UNC5D: variants seen among roughly 807,000 people sequenced by gnomAD.
The protein encoded by UNC5D is netrin receptor UNC5D.
A neutral mutation model predicts 105.4 loss-of-function variants in UNC5D; 39 were observed. The observed-to-expected ratio is 0.37, with a 90% confidence interval of 0.29 to 0.48. The LOEUF (loss-of-function observed/expected upper bound fraction) is 0.48, where lower values mean the gene tolerates loss of function less well. Ranked by LOEUF, UNC5D falls within the 20% of genes least tolerant of loss-of-function variation. UNC5D has a pLI of 0.98. For synonymous variants in UNC5D, 452 were observed against 450.4 expected, an observed-to-expected ratio of 1.00 and a Z score of -0.04; for missense variants, 991 against 1,202.4, an observed-to-expected ratio of 0.82 and a Z score of 2.60.
intron 16 of UNC5D, among the ~76,000 whole-genome samples, chr8:35,786,380 G>C (rs145203114): frequency 6.0e-4 from 91 of 152,266 alleles, no homozygotes; most frequent in African/African-American, 2.0e-3. Context: ...TGCCTCTTTT[G>C]ATCATTTAGC....
chr8:35,636,208 A>G (rs1330685297), intron 4 of UNC5D, among the ~76,000 whole-genome samples: 1 of 152,246 alleles, frequency 6.6e-6, no homozygotes, highest in East Asian at 1.9e-4. Flanking sequence ...GCAAGGAAAG[A>G]AAGCAAACGG....
rs1803005314 is a variant in UNC5D, at chr8:35,790,784, G to A, written c.*221G>A. The A allele has an allele frequency of 1.7e-6, 1 of 576,504 alleles. No homozygotes were observed. The highest frequency in any genetic ancestry group is 3.0e-5 in the Admixed American group (1 of 33,128). 35.7% of individuals were successfully genotyped at this position (576,504 alleles called of 1,614,324 possible). On this transcript the variant is annotated 3_prime_UTR_variant, in exon 17 of 17. Coordinates refer to ENST00000404895, the MANE Select transcript of UNC5D (RefSeq NM_080872.4). The stretch of plus-strand genomic sequence containing the variant: ...ATAAGAGGGCTCTACTATCTCCTTG[G>A]AATCCACATTTGGGTTAACTCCTCA...
chr8:35,277,405 AT>A (rs1385640008), intron 1 of UNC5D, among the ~76,000 whole-genome samples: 25 of 152,114 alleles, frequency 1.6e-4, no homozygotes, highest in Admixed American at 1.6e-3. Flanking sequence ...TTTTGATTAC[AT>A]TTCTTTGATA....
chr8:35,280,127 C>G (rs1187466703), intron 1 of UNC5D, among the ~76,000 whole-genome samples: 1 of 152,124 alleles, frequency 6.6e-6, no homozygotes, highest in African/African-American at 2.4e-5. Flanking sequence ...TCCCAAATAG[C>G]TGGGATTACA....
intron 9 of UNC5D, 29 bp downstream of exon 9, chr8:35,722,424 G>C: frequency 6.2e-7 from 1 of 1,604,310 alleles, no homozygotes; most frequent in Non-Finnish European, 8.5e-7. Context: ...TCCACACCTC[G>C]TCCTCAGTGC....
In UNC5D at chr8:35,425,819, T is replaced by C. The variant is rs375822947; in HGVS notation, c.104-123473T>C. On this transcript the variant is annotated intron_variant, in intron 1 of 16. Coordinates refer to ENST00000404895, the MANE Select transcript of UNC5D (RefSeq NM_080872.4). ...CCTCTCTTCTTTTTAATTGGACATA[T>C]CATAATTGCACATATTTATAGGATA... is the stretch of plus-strand genomic sequence containing the variant. 3.9e-5 allele frequency among the ~76,000 whole-genome samples: 6 copies of C among 152,284 alleles called. No homozygotes were observed. In the South Asian group the frequency reaches 6.2e-4, roughly 16 times the overall value.
chr8:35,686,581 T>C lies in UNC5D; in HGVS notation c.956T>C (p.Val319Ala). The C allele has an allele frequency of 6.3e-7, 1 of 1,598,100 alleles. No individual in the cohort carries two copies. Among genetic ancestry groups the C allele is most frequent in the Non-Finnish European group, 8.5e-7 (1 of 1,175,346 alleles). The change falls in exon 7 of 17, where the codon GTC (valine) becomes GCC (alanine). Residue 319 changes from valine to alanine, a missense_variant. This residue lies in a region of UNC5D where 944 missense variants were observed against 1,131.6 expected (regional missense o/e 0.83). Coordinates refer to ENST00000404895, the MANE Select transcript of UNC5D (RefSeq NM_080872.4). ...TGGGAAGTGTGGAGCGAATGGTCCG[T>C]CTGCAGTCCAGAGTGTGAACATTTG... Reference protein sequence around the residue: ...GSWEVWSEWSVCSPECEHLRI... With the variant: ...GSWEVWSEWSACSPECEHLRI...
At chr8:35,561,534 G>A (rs994407409) in intron 2 of UNC5D, among the ~76,000 whole-genome samples, 2 of 152,122 alleles carry the variant, frequency 1.3e-5, no homozygotes, top group Non-Finnish European at 2.9e-5. Flanking sequence ...AAAATCCTGG[G>A]TATTCTTAAA....
At chr8:35,590,551 A>G (rs918703877) in intron 3 of UNC5D, among the ~76,000 whole-genome samples, 5 of 152,136 alleles carry the variant, frequency 3.3e-5, no homozygotes, top group Admixed American at 2.0e-4. Context: ...TCTCTGAAAA[A>G]TGCACTGGTT....
intron 4 of UNC5D, among the ~76,000 whole-genome samples, chr8:35,646,009 AC>A (rs1823023082): frequency 6.6e-6 from 1 of 152,172 alleles, no homozygotes; most frequent in Non-Finnish European, 1.5e-5. Context: ...TTCAGCAGAG[AC>A]TGTCAACCCA....
intron 1 of UNC5D, among the ~76,000 whole-genome samples, chr8:35,443,717 G>C (rs1018494779): frequency 6.6e-6 from 1 of 151,854 alleles, no homozygotes; most frequent in Non-Finnish European, 1.5e-5. Context: ...TTTTGTAAAT[G>C]ATCTTTCCCA....
At position 35,605,995 on chromosome 8, in the gene UNC5D, A is replaced by AT. The variant is rs899055663; in HGVS notation, c.570+10348dup. ...TTTCCTTTTTTTTTATTTATTTTTT[A>AT]TTTTTTTTTTGAGACAGAGTCTCAC... On this transcript the variant is annotated intron_variant, in intron 4 of 16. Coordinates refer to ENST00000404895, the MANE Select transcript of UNC5D (RefSeq NM_080872.4). Among the ~76,000 whole-genome samples the AT allele has an allele frequency of 2.5e-3, 361 of 146,724 alleles. 4 individuals carry two copies. Among genetic ancestry groups the AT allele is most frequent in the African/African-American group, 7.7e-3 (306 of 39,946 alleles).
intron 1 of UNC5D, among the ~76,000 whole-genome samples, chr8:35,261,428 A>G (rs1804484040): frequency 6.6e-6 from 1 of 152,232 alleles, no homozygotes; most frequent in Admixed American, 6.5e-5. Flanking sequence ...TAAAATATGT[A>G]ACTGTCATAG....
At chr8:35,520,559 T>C (rs543343232) in intron 1 of UNC5D, among the ~76,000 whole-genome samples, 231 of 152,256 alleles carry the variant, frequency 1.5e-3, no homozygotes, top group Non-Finnish European at 2.5e-3. Context: ...TTATATGGTA[T>C]GTGGGTTATA....
chr8:35,421,448 T>G (rs1023707524), intron 1 of UNC5D, among the ~76,000 whole-genome samples: 3 of 152,216 alleles, frequency 2.0e-5, no homozygotes, highest in African/African-American at 7.2e-5. Context: ...ACTATGTTAT[T>G]AACAAACATA....
chr8:35,348,015 GTACCTCTTTGTTTTGT>G (rs1304022980), intron 1 of UNC5D, among the ~76,000 whole-genome samples: 1 of 151,892 alleles, frequency 6.6e-6, no homozygotes, highest in East Asian at 1.9e-4. Flanking sequence ...TGCAGAAGTA[GTACCTCTTTGTTTTGT>G]CAAGTGAAAC....
intron 4 of UNC5D, among the ~76,000 whole-genome samples, chr8:35,643,161 T>A (rs142358033): frequency 6.6e-6 from 1 of 152,142 alleles, no homozygotes; most frequent in Non-Finnish European, 1.5e-5. Context: ...GCATGGTAGA[T>A]GTTTAGTGGG....
At chr8:35,301,258 C>T (rs748049276) in intron 1 of UNC5D, among the ~76,000 whole-genome samples, 4 of 152,092 alleles carry the variant, frequency 2.6e-5, no homozygotes, top group Non-Finnish European at 5.9e-5. Flanking sequence ...CAAGAGTTCC[C>T]AATGGTCAAA....
intron 7 of UNC5D, among the ~76,000 whole-genome samples, chr8:35,688,063 C>A (rs569616077): frequency 2.0e-5 from 3 of 151,448 alleles, no homozygotes; most frequent in Non-Finnish European, 2.9e-5. Context: ...ACCCGGGAGG[C>A]GGAGCTTGCA....
Sources: allele counts gnomAD v4.1 joint callset (sites outside exome capture counted in the v4.1 genomes callset), GRCh38; gene constraint gnomAD v4.1.1; regional missense constraint gnomAD v4.1.1; transcripts MANE v1.5; gene names NCBI Gene and HGNC (gene_info 2026-07-23, HGNC 2026-07-21).